Variants in GOLGA4 observed in about 807,000 individuals in gnomAD.
GOLGA4 encodes golgin subfamily A member 4.
In GOLGA4, 169 loss-of-function variants were observed where a neutral mutation model predicts 265.9. The ratio of observed to expected loss-of-function variants is 0.64; its 90% CI spans 0.56 to 0.72. The LOEUF (loss-of-function observed/expected upper bound fraction) is 0.72. Ranked by LOEUF, GOLGA4 falls within the 30% of genes least tolerant of loss-of-function variation. The pLI is 0.00. For synonymous variants in GOLGA4, 923 were observed against 855.8 expected (o/e 1.08, Z -1.37); for missense variants, 2,482 against 2,483.4 (o/e 1.00, Z 0.01).
At position 37,327,426 on chromosome 3, in the gene GOLGA4, T is replaced by TA; in HGVS notation, c.5542dup (p.Thr1848AsnfsTer24). 1 of 1,613,514 alleles carries TA rather than the reference T, an allele frequency of 6.2e-7. No individual in the cohort carries two copies. Among genetic ancestry groups the TA allele is most frequent in the Non-Finnish European group, 8.5e-7 (1 of 1,179,782 alleles). On this transcript the variant is annotated frameshift_variant, in exon 14 of 24. Transcript: ENST00000361924. LOFTEE classifies it high-confidence loss of function. ...CAGAAAACCCTCCAGGAGAAGGAAC[T>TA]AACCTGTCAGATTTTGGAGCAAAAG... is the stretch of plus-strand genomic sequence containing the variant.
At chr3:37,316,019 A>T (rs548636213) in intron 11 of GOLGA4, among the ~76,000 whole-genome samples, 2 of 152,268 alleles carry the variant, frequency 1.3e-5, no homozygotes, top group African/African-American at 4.8e-5. Context: ...TTGTTACTTA[A>T]TGTTCTGATT....
chr3:37,348,195 TTAAAA>T (rs1390592938), intron 21 of GOLGA4, among the ~76,000 whole-genome samples: 1 of 152,148 alleles, frequency 6.6e-6, no homozygotes, highest in Non-Finnish European at 1.5e-5. Flanking sequence ...AGCAAATATC[TTAAAA>T]TAATATTATA....
intron 21 of GOLGA4, among the ~76,000 whole-genome samples, chr3:37,349,262 A>T (rs181435582): frequency 2.0e-5 from 3 of 152,306 alleles, no homozygotes; most frequent in Non-Finnish European, 1.5e-5. Context: ...ACTGTGCAGT[A>T]AGGAAGGGAA....
rs1302027357 is a variant in GOLGA4 at position 37,328,463 on chromosome 3, A to C, written c.5987A>C (p.Gln1996Pro). The change falls in exon 15 of 24, where the codon CAG (glutamine) becomes CCG (proline). Residue 1996 changes from glutamine (Q) to proline (P), a missense_variant. Physicochemically the swap from Gln to Pro is moderately conservative, Grantham distance 76. Transcript: ENST00000361924. ...LELKHNSTLK[Q>P]LMREFNTQLA... is the part of the protein sequence containing the mutation. ...CTGAAGCACAATTCCACATTAAAACAGCTGATGAGGGAGTTTAATACACAG... is the reference window on the plus strand; with the variant it reads ...CTGAAGCACAATTCCACATTAAAACCGCTGATGAGGGAGTTTAATACACAG... The C allele has an allele frequency of 1.2e-6, 2 of 1,612,820 alleles. No individual in the cohort carries two copies. Among genetic ancestry groups the C allele is most frequent in the Non-Finnish European group, 1.7e-6 (2 of 1,178,888 alleles).
chr3:37,341,833 CTCA>C (rs1267679363), intron 20 of GOLGA4: 1 of 152,166 alleles, frequency 6.6e-6, no homozygotes, highest in Non-Finnish European at 1.5e-5. Flanking sequence ...TTAATTTTTT[CTCA>C]TATTTATGAA....
rs771419933 is a variant in GOLGA4 at position 37,326,639 on chromosome 3, G to GA, written c.4759dup (p.Ile1587AsnfsTer5). 1 of 1,611,250 alleles carries GA rather than the reference G, an allele frequency of 6.2e-7. No homozygotes were observed. Among genetic ancestry groups the GA allele is most frequent in the Admixed American group, 1.7e-5 (1 of 59,554 alleles). On this transcript the variant is annotated frameshift_variant, in exon 14 of 24. Transcript: ENST00000361924. LOFTEE classifies it high-confidence loss of function. ...GGACAACAGGGTTAAAGAAGCTGAA[G>GA]AAAAAATCTTAACACTTGAAAACCA...
chr3:37,328,338 A>T (rs1481380504), intron 14 of GOLGA4, 78 bp from the exon 15 acceptor site: 2 of 1,405,688 alleles, frequency 1.4e-6, no homozygotes, highest in Non-Finnish European at 2.0e-6. Flanking sequence ...TACTGTATGC[A>T]CTGTTTTAAA....
chr3:37,326,931 A>T lies in GOLGA4; in HGVS notation c.5045A>T (p.Gln1682Leu). The change falls in exon 14 of 24, where the codon CAG becomes CTG. Residue 1682 changes from glutamine to leucine, a missense_variant. Physicochemically the swap from Gln to Leu is moderately radical, Grantham distance 113 (BLOSUM62 -2). Transcript: ENST00000361924. ...SHLSELNTKL[Q>L]EREREVHILE... ...TTGAGTGAGCTAAATACAAAATTGC[A>T]GGAAAGAGAAAGGGAAGTTCACATC... 6.2e-7 allele frequency: 1 copy of T among 1,613,938 alleles called. No homozygotes were observed. The highest frequency in any genetic ancestry group is 8.5e-7 in the Non-Finnish European group (1 of 1,179,822).
chr3:37,307,116 A>T (rs994113580), intron 10 of GOLGA4, among the ~76,000 whole-genome samples: 1 of 152,166 alleles, frequency 6.6e-6, no homozygotes. Context: ...AACTTTTGTA[A>T]ACCCCGTTTC....
chr3:37,302,612 A>G lies in GOLGA4; in HGVS notation c.1234+280A>G, dbSNP rs1023551945. ...AAGAAAAATATATGACAGAGACCAT[A>G]TGTGGTCTACAAAACCTAAAATATT... On this transcript the variant is annotated intron_variant, in intron 10 of 23. Transcript: ENST00000361924. 16 of 286,138 alleles carry G rather than the reference A, an allele frequency of 5.6e-5. No homozygotes were observed. In the Admixed American group the frequency reaches 7.3e-4, roughly 13 times the overall value. The allele number at this position is 286,138 out of a possible 1,614,324, so 17.7% of individuals were successfully genotyped here. A position where few individuals can be genotyped will look rare whatever the true frequency, so the allele number is the denominator to read the frequency against.
intron 22 of GOLGA4, among the ~76,000 whole-genome samples, chr3:37,358,564 C>G (rs1260603851): frequency 2.0e-5 from 3 of 152,180 alleles, no homozygotes; most frequent in Non-Finnish European, 1.5e-5. Flanking sequence ...CTCAGAGCCT[C>G]TTTTCTTCAC....
intron 2 of GOLGA4, among the ~76,000 whole-genome samples, chr3:37,262,237 G>A (rs931928323): frequency 2.6e-5 from 4 of 152,176 alleles, no homozygotes; most frequent in African/African-American, 7.2e-5. Flanking sequence ...CGGGCGTGGT[G>A]GCTCACGCCT....
In GOLGA4 at chr3:37,315,465, A is replaced by T; in HGVS notation, c.1280A>T (p.Glu427Val). Residue 427 changes from glutamate to valine, a missense_variant, in exon 11 of 24, where the codon GAG (glutamate) becomes GTG (valine). By Grantham distance (121) the Glu-to-Val change is moderately radical. Around this residue, in one of 3 missense-constraint regions of GOLGA4, gnomAD observed 1,536 missense variants for 1,483.7 expected, o/e 1.04. Transcript: ENST00000361924. The stretch of plus-strand genomic sequence containing the variant: ...GCTTTGAGTACAGCCCAAAAAACAG[A>T]GGAAGCACGGAGAAAACTGAAGGCA... ...EKALSTAQKT[E>V]EARRKLKAEM... 1 of 1,614,070 alleles carries T rather than the reference A, an allele frequency of 6.2e-7. No individual in the cohort carries two copies. The highest frequency in any genetic ancestry group is 1.7e-4 in the Middle Eastern group (1 of 6,060).
chr3:37,296,698 G>A (rs983558533), intron 7 of GOLGA4, among the ~76,000 whole-genome samples: 1 of 152,006 alleles, frequency 6.6e-6, no homozygotes, highest in African/African-American at 2.4e-5. Flanking sequence ...AGCCTCCCGA[G>A]TAGCTGGGAT....
chr3:37,347,396 A>T, intron 21 of GOLGA4, 100 bp downstream of exon 21: 1 of 657,018 alleles, frequency 1.5e-6, no homozygotes, highest in Non-Finnish European at 2.8e-6. Flanking sequence ...ACTATTAGCA[A>T]ATCAGACATG....
intron 2 of GOLGA4, among the ~76,000 whole-genome samples, chr3:37,272,823 T>C (rs1437522684): frequency 6.6e-6 from 1 of 152,208 alleles, no homozygotes; most frequent in Non-Finnish European, 1.5e-5. Flanking sequence ...GAGTTACTTC[T>C]ATAGTTCTAA....
intron 5 of GOLGA4, among the ~76,000 whole-genome samples, chr3:37,292,309 A>G (rs1443206939): frequency 6.6e-6 from 1 of 152,206 alleles, no homozygotes; most frequent in Non-Finnish European, 1.5e-5. Flanking sequence ...GGGAGTTGTC[A>G]TAGGGCCACT....
In GOLGA4 at chr3:37,327,441, T is replaced by G. The variant is rs1372789528; in HGVS notation, c.5555T>G (p.Leu1852Trp). The change falls in exon 14 of 24, where the codon TTG (leucine) becomes TGG (tryptophan). Residue 1852 changes from leucine (L) to tryptophan (W), a missense_variant. Physicochemically the swap from Leu to Trp is moderately conservative, Grantham distance 61. This residue lies in a region of GOLGA4 where 942 missense variants were observed against 983.1 expected (regional missense o/e 0.96). Transcript: ENST00000361924. Reference protein sequence around the residue: ...LQEKELTCQILEQKIKELDSC... With the variant: ...LQEKELTCQIWEQKIKELDSC... ...GAGAAGGAACTAACCTGTCAGATTT[T>G]GGAGCAAAAGATAAAAGAGCTGGAT... 1 of 1,612,962 alleles carries G rather than the reference T, an allele frequency of 6.2e-7. No homozygotes were observed. Among genetic ancestry groups the G allele is most frequent in the Non-Finnish European group, 8.5e-7 (1 of 1,179,710 alleles).
chr3:37,300,938 C>T (rs577197325), intron 9 of GOLGA4, among the ~76,000 whole-genome samples: 5 of 152,142 alleles, frequency 3.3e-5, no homozygotes, highest in African/African-American at 1.2e-4. Flanking sequence ...GTTTGATTAT[C>T]TTCTCTCCTT....
Sources: allele counts gnomAD v4.1 joint callset (sites outside exome capture counted in the v4.1 genomes callset), GRCh38; gene constraint gnomAD v4.1.1; regional missense constraint gnomAD v4.1.1; transcripts MANE v1.5; gene names NCBI Gene and HGNC (gene_info 2026-07-23, HGNC 2026-07-21).